SLC25A48: variants seen among roughly 807,000 people sequenced by gnomAD.
SLC25A48 encodes the protein solute carrier family 25 member 48, also known as CTC-321K16.1.
In SLC25A48, 29 loss-of-function variants were observed where a neutral mutation model predicts 32.2. That is an observed-to-expected ratio of 0.90 (90% CI 0.67 to 1.23). SLC25A48 has a LOEUF of 1.23. Ranked by LOEUF, SLC25A48 falls within the 50% of genes most tolerant of loss-of-function variation. SLC25A48 has a pLI of 0.00. For missense variants in SLC25A48, 399 were observed against 422.7 expected, an observed-to-expected ratio of 0.94 and a Z score of 0.49; for synonymous variants, 164 against 172.3, an observed-to-expected ratio of 0.95 and a Z score of 0.38.
At chr5:135,688,643 C>CG (rs1469478378) in intron 3 of SLC25A48, among the ~76,000 whole-genome samples, 2 of 152,228 alleles carry the variant, frequency 1.3e-5, no homozygotes, top group East Asian at 3.8e-4. Context: ...AAAACGCCAA[C>CG]ACTCTGTGAA....
At chr5:135,733,496 A>G (rs1755281513) in intron 3 of SLC25A48, among the ~76,000 whole-genome samples, 1 of 152,222 alleles carries the variant, frequency 6.6e-6, no homozygotes, top group Admixed American at 6.5e-5. Flanking sequence ...AAGTATATGC[A>G]TCAGGTGGGA....
At chr5:135,804,827 C>T (rs750223266) in intron 3 of SLC25A48, among the ~76,000 whole-genome samples, 1 of 151,552 alleles carries the variant, frequency 6.6e-6, no homozygotes, top group Non-Finnish European at 1.5e-5. Flanking sequence ...AGTGGGTGTA[C>T]ACCCTGACAT....
intron 3 of SLC25A48, among the ~76,000 whole-genome samples, chr5:135,653,328 G>A (rs1443491116): frequency 2.6e-5 from 4 of 152,122 alleles, no homozygotes; most frequent in Non-Finnish European, 5.9e-5. Flanking sequence ...TATATAATGG[G>A]GGCAAGAGAG....
At chr5:135,705,943 G>C (rs1403950247) in intron 3 of SLC25A48, among the ~76,000 whole-genome samples, 1 of 152,182 alleles carries the variant, frequency 6.6e-6, no homozygotes, top group Non-Finnish European at 1.5e-5. Flanking sequence ...TGGAACGCAG[G>C]CTGGTTTGTA....
intron 3 of SLC25A48, among the ~76,000 whole-genome samples, chr5:135,765,388 G>A (rs1365548658): frequency 4.0e-5 from 6 of 151,612 alleles, no homozygotes; most frequent in Non-Finnish European, 8.8e-5. Context: ...CATATCGCTG[G>A]TGGTGTACAC....
At chr5:135,870,223 G>T (rs1242418972) in intron 4 of SLC25A48, among the ~76,000 whole-genome samples, 2 of 152,136 alleles carry the variant, frequency 1.3e-5, no homozygotes, top group Admixed American at 1.3e-4. Context: ...ATAGGCTTGT[G>T]GTCGCAGACA....
At chr5:135,634,576 G>T (rs1241196421) in intron 2 of SLC25A48, among the ~76,000 whole-genome samples, 2 of 152,244 alleles carry the variant, frequency 1.3e-5, no homozygotes, top group Non-Finnish European at 2.9e-5. Flanking sequence ...AGACTGACTT[G>T]CATTGGAAGA....
At chr5:135,839,802 T>C (rs1758839177) in intron 1 of SLC25A48, among the ~76,000 whole-genome samples, 1 of 152,206 alleles carries the variant, frequency 6.6e-6, no homozygotes, top group South Asian at 2.1e-4. Flanking sequence ...TTTCCTGTGC[T>C]GTTCTTGTGG....
intron 1 of SLC25A48, among the ~76,000 whole-genome samples, chr5:135,581,632 C>T (rs2126869392): frequency 6.6e-6 from 1 of 152,338 alleles, no homozygotes; most frequent in South Asian, 2.1e-4. Flanking sequence ...AAGTAGTTGG[C>T]TCTAGAAATA....
rs1762147939 is a variant in SLC25A48 at position 135,877,566 on chromosome 5, C to G, written c.814-2402C>G. ...TTCATTCATTTACTCATCCATCCAT[C>G]CATTCACTGATTCAATTAATGTGTT... On this transcript the variant is annotated intron_variant, in intron 6 of 7. Transcript: ENST00000681962. Among the ~76,000 whole-genome samples the G allele has an allele frequency of 2.0e-5, 3 of 152,176 alleles. No individual in the cohort carries two copies. The South Asian group carries it at 6.2e-4, about 32-fold the overall frequency.
intron 4 of SLC25A48, among the ~76,000 whole-genome samples, chr5:135,859,437 G>C (rs1760606054): frequency 6.6e-6 from 1 of 152,168 alleles, no homozygotes; most frequent in Non-Finnish European, 1.5e-5. Context: ...ATGACACATG[G>C]GGATTATGGG....
intron 3 of SLC25A48, among the ~76,000 whole-genome samples, chr5:135,700,125 G>A (rs1347041370): frequency 2.0e-4 from 30 of 152,064 alleles, no homozygotes; most frequent in Admixed American, 2.0e-3. Context: ...GCTCATGCCT[G>A]TAATCCCAGC....
At chr5:135,823,244 G>A (rs1441206634) in intron 4 of SLC25A48, among the ~76,000 whole-genome samples, 1 of 152,150 alleles carries the variant, frequency 6.6e-6, no homozygotes, top group East Asian at 1.9e-4. Context: ...GGAACAGCCT[G>A]GGGGCTTGCT....
At chr5:135,836,460 A>C (rs1243883681) in intron 1 of SLC25A48, among the ~76,000 whole-genome samples, 2 of 152,042 alleles carry the variant, frequency 1.3e-5, no homozygotes, top group Non-Finnish European at 2.9e-5. Flanking sequence ...TATTCTTTTA[A>C]AACAATTTTA....
chr5:135,619,115 G>A (rs1752261133), intron 1 of SLC25A48, among the ~76,000 whole-genome samples: 1 of 151,782 alleles, frequency 6.6e-6, no homozygotes, highest in African/African-American at 2.4e-5. Context: ...TTCACCTTCT[G>A]GGACACCAAA....
intron 3 of SLC25A48, among the ~76,000 whole-genome samples, chr5:135,644,950 T>G (rs1024214887): frequency 6.6e-6 from 1 of 151,572 alleles, no homozygotes; most frequent in African/African-American, 2.4e-5. Flanking sequence ...AAGAGAGAAC[T>G]CCAGTTCAAA....
intron 3 of SLC25A48, among the ~76,000 whole-genome samples, chr5:135,686,760 G>A (rs1299198172): frequency 1.3e-5 from 2 of 152,144 alleles, no homozygotes; most frequent in East Asian, 3.9e-4. Context: ...AGGATGGGAA[G>A]GGATGGATAG....
At chr5:135,615,711 G>A (rs1281970640) in intron 1 of SLC25A48, among the ~76,000 whole-genome samples, 1 of 152,240 alleles carries the variant, frequency 6.6e-6, no homozygotes, top group African/African-American at 2.4e-5. Flanking sequence ...CATAACTGAA[G>A]TTTGCATAAC....
At chr5:135,814,831 GATCAT>G (rs1487565441) in intron 4 of SLC25A48, among the ~76,000 whole-genome samples, 5 of 152,204 alleles carry the variant, frequency 3.3e-5, no homozygotes, top group Non-Finnish European at 7.3e-5. Context: ...GTCTCAGCTG[GATCAT>G]CCAGGCTGGT....
Sources: gnomAD v4.1 joint callset for allele counts (sites outside exome capture counted in the v4.1 genomes callset) on GRCh38, gnomAD v4.1.1 for gene constraint, MANE v1.5 for transcripts, NCBI Gene and HGNC (gene_info 2026-07-23, HGNC 2026-07-21) for gene names.